DSCAM: variants seen among roughly 807,000 people sequenced by gnomAD.
The protein encoded by DSCAM is cell adhesion molecule DSCAM.
A neutral mutation model predicts 217.7 loss-of-function variants in DSCAM; 47 were observed. The ratio of observed to expected loss-of-function variants is 0.22; its 90% CI spans 0.17 to 0.28. DSCAM has a LOEUF of 0.28. Among genes scored for constraint, DSCAM ranks in the 10% least tolerant of loss-of-function variants. The probability of loss-of-function intolerance (pLI) is 1.00; values close to 1 mark genes in which losing one functional copy is unlikely to be tolerated. For missense variants in DSCAM, 2,080 were observed against 2,618.3 expected (o/e 0.79, Z 4.49); for synonymous variants, 1,056 against 1,015.3 (o/e 1.04, Z -0.76).
chr21:40,136,422 A>T (rs1179096240), intron 18 of DSCAM, among the ~76,000 whole-genome samples: 1 of 152,176 alleles, frequency 6.6e-6, no homozygotes, highest in African/African-American at 2.4e-5. Flanking sequence ...TGGAGGCTGC[A>T]GTGAGCTGTG....
At chr21:40,615,637 G>A (rs924570972) in intron 3 of DSCAM, among the ~76,000 whole-genome samples, 2 of 152,090 alleles carry the variant, frequency 1.3e-5, no homozygotes, top group East Asian at 3.9e-4. Flanking sequence ...TGCATGAGCT[G>A]CATTCATTTC....
chr21:40,363,381 T>C (rs1201705922), intron 4 of DSCAM, among the ~76,000 whole-genome samples: 8 of 151,242 alleles, frequency 5.3e-5, no homozygotes, highest in Non-Finnish European at 1.2e-4. Context: ...GCCTCCTGAG[T>C]AGCTGGGATT....
chr21:40,361,387 G>A (rs779206071), intron 4 of DSCAM, among the ~76,000 whole-genome samples: 14 of 152,090 alleles, frequency 9.2e-5, no homozygotes, highest in Non-Finnish European at 1.8e-4. Flanking sequence ...TTGGGAGGCC[G>A]AGGCAGGGGG....
chr21:40,093,930 AT>A (rs2089644255), intron 20 of DSCAM, 56 bp from the exon 21 acceptor site: 7 of 1,575,960 alleles, frequency 4.4e-6, no homozygotes, highest in Non-Finnish European at 5.2e-6. Flanking sequence ...GCAAAAATGG[AT>A]TTCCCGAAGG....
chr21:40,361,115 A>C (rs977344039), intron 4 of DSCAM, among the ~76,000 whole-genome samples: 14 of 150,638 alleles, frequency 9.3e-5, no homozygotes, highest in African/African-American at 1.2e-4. Flanking sequence ...TTTTGTCTCA[A>C]AGTCTTCAAA....
chr21:40,597,465 T>C (rs1490465888), intron 3 of DSCAM, among the ~76,000 whole-genome samples: 11 of 151,614 alleles, frequency 7.3e-5, no homozygotes, highest in African/African-American at 2.7e-4. Context: ...CCGGTTTTTT[T>C]TTTTTTTTTA....
At chr21:40,607,400 A>ATTATT (rs1258706737) in intron 3 of DSCAM, among the ~76,000 whole-genome samples, 10 of 121,154 alleles carry the variant, frequency 8.3e-5, no homozygotes, top group African/African-American at 3.0e-4. Context: ...TTTAATTCTG[A>ATTATT]TTTTTTTTTT....
At position 40,659,860 on chromosome 21, in the gene DSCAM, A is replaced by G. The variant is rs111720158; in HGVS notation, c.508+32950T>C. 3.0e-3 allele frequency among the ~76,000 whole-genome samples: 458 copies of G among 152,388 alleles called. 6 individuals are homozygous for G. Among genetic ancestry groups the G allele is most frequent in the African/African-American group, 7.2e-3 (300 of 41,594 alleles). On this transcript the variant is annotated intron_variant, in intron 3 of 32. Transcript: ENST00000400454. ...AGAAACCATAATTAATAATATTTTC[A>G]GACAGGTTGCCAAATAACATACATG...
intron 3 of DSCAM, among the ~76,000 whole-genome samples, chr21:40,492,105 T>C (rs1267389073): frequency 6.6e-6 from 1 of 152,110 alleles, no homozygotes; most frequent in Non-Finnish European, 1.5e-5. Flanking sequence ...TAAATATCTT[T>C]CAAATAAATC....
In DSCAM at chr21:40,051,949, A is replaced by G; in HGVS notation, c.5185+9T>C. ...CACCCACACATTTTAAGCATTGTTG[A>G]CCACTCACTCGTTCCCGGCCGAGCG... On this transcript the variant is annotated intron_variant, in intron 30 of 32. Coordinates refer to ENST00000400454, the MANE Select transcript of DSCAM (RefSeq NM_001389.5). 1 of 1,608,308 alleles carries G rather than the reference A, an allele frequency of 6.2e-7. No individual in the cohort carries two copies. Among genetic ancestry groups the G allele is most frequent in the Non-Finnish European group, 8.5e-7 (1 of 1,177,788 alleles).
intron 3 of DSCAM, among the ~76,000 whole-genome samples, chr21:40,620,508 G>T (rs886138088): frequency 1.3e-5 from 2 of 148,640 alleles, no homozygotes; most frequent in African/African-American, 4.9e-5. Flanking sequence ...GGAGGGAGGG[G>T]AGGAAGGCAA....
intron 3 of DSCAM, among the ~76,000 whole-genome samples, chr21:40,500,940 A>G (rs979395303): frequency 6.6e-6 from 1 of 152,138 alleles, no homozygotes; most frequent in African/African-American, 2.4e-5. Context: ...TTGGAGAGGC[A>G]ATATGGTAGG....
chr21:40,702,615 A>G (rs2090669385), intron 2 of DSCAM, among the ~76,000 whole-genome samples: 1 of 152,124 alleles, frequency 6.6e-6, no homozygotes, highest in African/African-American at 2.4e-5. Flanking sequence ...GGAACATTTA[A>G]ATTTAATGTG....
intron 10 of DSCAM, among the ~76,000 whole-genome samples, chr21:40,293,714 A>G (rs2073921954): frequency 6.6e-6 from 1 of 152,094 alleles, no homozygotes; most frequent in African/African-American, 2.4e-5. Context: ...CCCAGCTACT[A>G]CTTGGGAGGC....
intron 1 of DSCAM, among the ~76,000 whole-genome samples, chr21:40,740,988 CAGA>C (rs1271858401): frequency 6.6e-6 from 1 of 152,168 alleles, no homozygotes; most frequent in Non-Finnish European, 1.5e-5. Flanking sequence ...GTGTGGCATG[CAGA>C]AGGACAAAGG....
intron 3 of DSCAM, among the ~76,000 whole-genome samples, chr21:40,546,832 C>A (rs1414145825): frequency 1.3e-5 from 2 of 152,206 alleles, no homozygotes; most frequent in African/African-American, 4.8e-5. Context: ...AAGCTCAGGT[C>A]TTTCTAAGGG....
chr21:40,730,686 C>T (rs1215704889), intron 1 of DSCAM, among the ~76,000 whole-genome samples: 1 of 152,114 alleles, frequency 6.6e-6, no homozygotes, highest in Non-Finnish European at 1.5e-5. Flanking sequence ...AAGACTGTTG[C>T]CAAGGCAACA....
intron 3 of DSCAM, among the ~76,000 whole-genome samples, chr21:40,472,114 T>C (rs1369325337): frequency 6.6e-6 from 1 of 152,216 alleles, no homozygotes; most frequent in Admixed American, 6.5e-5. Flanking sequence ...CTAAACACCA[T>C]GTTACTTGCC....
intron 2 of DSCAM, among the ~76,000 whole-genome samples, chr21:40,706,015 C>A (rs768069761): frequency 6.6e-6 from 1 of 151,892 alleles, no homozygotes; most frequent in Non-Finnish European, 1.5e-5. Flanking sequence ...CCCATCTCTA[C>A]TGAAAATACA....
Sources: gnomAD v4.1 joint callset for allele counts (sites outside exome capture counted in the v4.1 genomes callset) on GRCh38, gnomAD v4.1.1 for gene constraint, MANE v1.5 for transcripts, NCBI Gene and HGNC (gene_info 2026-07-23, HGNC 2026-07-21) for gene names.